The following LMBRD2 variants were observed in gnomAD, a reference collection of about 807,000 sequenced individuals.
LMBRD2 encodes the protein LMBR1 domain containing 2.
In LMBRD2, 55 loss-of-function variants were observed where a neutral mutation model predicts 94.4. The ratio of observed to expected loss-of-function variants is 0.58; its 90% CI spans 0.47 to 0.73. The LOEUF is 0.73. Among genes scored for constraint, LMBRD2 ranks in the 30% least tolerant of loss-of-function variants. LMBRD2 has a pLI of 0.00. For missense variants in LMBRD2, 640 were observed against 831.9 expected (o/e 0.77, Z 2.84); for synonymous variants, 246 against 272.4 (o/e 0.90, Z 0.95).
intron 6 of LMBRD2, among the ~76,000 whole-genome samples, chr5:36,125,505 A>G (rs918471241): frequency 3.3e-5 from 5 of 152,206 alleles, no homozygotes; most frequent in African/African-American, 1.2e-4. Flanking sequence ...TGGCCAATAA[A>G]TGTCTAAAAA....
In LMBRD2 at chr5:36,101,848, T is replaced by G. The variant is rs1194935549; in HGVS notation, c.*2198A>C. On this transcript the variant is annotated 3_prime_UTR_variant, in exon 18 of 18. Transcript: ENST00000296603. ...TCAATTATTATAACCATAAAAAATTTAATACTAAAGGAAAGTGGTAACATT... is the reference window on the plus strand; with the variant it reads ...TCAATTATTATAACCATAAAAAATTGAATACTAAAGGAAAGTGGTAACATT... 1 of 151,856 alleles carries G rather than the reference T, an allele frequency of 6.6e-6. No individual in the cohort carries two copies. The highest frequency in any genetic ancestry group is 1.9e-4 in the East Asian group (1 of 5,194). 9.4% of individuals were successfully genotyped at this position (151,856 alleles called of 1,614,324 possible). A position where few individuals can be genotyped will look rare whatever the true frequency, so the allele number is the denominator to read the frequency against.
At chr5:36,150,658 A>G (rs1744674347) in intron 1 of LMBRD2, among the ~76,000 whole-genome samples, 1 of 152,258 alleles carries the variant, frequency 6.6e-6, no homozygotes, top group African/African-American at 2.4e-5. Context: ...AATGCTTTCC[A>G]TATAACATTA....
intron 15 of LMBRD2, among the ~76,000 whole-genome samples, chr5:36,109,252 T>G (rs1416633021): frequency 6.6e-6 from 1 of 152,116 alleles, no homozygotes; most frequent in Non-Finnish European, 1.5e-5. Context: ...GCATGTAATT[T>G]CCTATGTCCG....
rs1743691882 is a variant in LMBRD2 at position 36,114,503 on chromosome 5, C to G, written c.1561G>C (p.Val521Leu). Residue 521 changes from valine (V) to leucine (L), a missense_variant, in exon 13 of 18, where the codon GTT becomes CTT. This residue lies in a region of LMBRD2 where 457 missense variants were observed against 642.8 expected (regional missense o/e 0.71). Transcript: ENST00000296603. ...AATCCATCTGCAATAAAGGATAAAA[C>G]TTTCATGGAACCCATAATCTGAAGA... The part of the protein sequence containing the change: ...AYTSIMGSMK[V>L]LSFIADGFYI... The G allele has an allele frequency of 6.4e-7, 1 of 1,554,192 alleles. No individual in the cohort carries two copies. Among genetic ancestry groups the G allele is most frequent in the East Asian group, 2.5e-5 (1 of 40,262 alleles).
intron 10 of LMBRD2, among the ~76,000 whole-genome samples, chr5:36,117,155 A>T (rs1743767032): frequency 6.6e-6 from 1 of 151,936 alleles, no homozygotes; most frequent in South Asian, 2.1e-4. Flanking sequence ...TCCCTTGGCA[A>T]CTCTTCACAT....
At chr5:36,124,013 T>A (rs1007660714) in intron 7 of LMBRD2, among the ~76,000 whole-genome samples, 178 bp downstream of exon 7, 10 of 152,004 alleles carry the variant, frequency 6.6e-5, no homozygotes, top group Admixed American at 2.6e-4. Context: ...CAATAATTAG[T>A]GTTAAACTTG....
At chr5:36,137,091 A>G (rs979521791) in intron 5 of LMBRD2, among the ~76,000 whole-genome samples, 183 bp downstream of exon 5, 10 of 152,174 alleles carry the variant, frequency 6.6e-5, no homozygotes, top group African/African-American at 2.4e-4. Context: ...ATATTTAAAG[A>G]TGTCATTCCA....
At position 36,111,220 on chromosome 5, in the gene LMBRD2, T is replaced by G. The variant is rs1743596625; in HGVS notation, c.1679A>C (p.Gln560Pro). 1 of 1,612,062 alleles carries G rather than the reference T, an allele frequency of 6.2e-7. No homozygotes were observed. Among genetic ancestry groups the G allele is most frequent in the Non-Finnish European group, 8.5e-7 (1 of 1,178,898 alleles). The change falls in exon 14 of 18, where the codon CAG becomes CCG. Residue 560 changes from glutamine to proline, a missense_variant. Gln to Pro is a moderately conservative substitution (Grantham distance 76). This residue lies in a region of LMBRD2 where 183 missense variants were observed against 189.1 expected (regional missense o/e 0.97). Coordinates refer to ENST00000296603, the MANE Select transcript of LMBRD2 (RefSeq NM_001007527.2). ...TRCLNLLGFQ[Q>P]FMGDDDMTSD... ...TGTCATATCATCATCTCCCATAAACTGCTGGAAACCGAGCAGATTCAAACA... is the reference window on the plus strand; with the variant it reads ...TGTCATATCATCATCTCCCATAAACGGCTGGAAACCGAGCAGATTCAAACA...
chr5:36,105,103 T>C lies in LMBRD2; in HGVS notation c.1992A>G (p.Thr664=), dbSNP rs1408915920. The C allele has an allele frequency of 5.0e-6, 8 of 1,612,922 alleles. No homozygotes were observed. The African/African-American group carries it at 5.3e-5, about 11-fold the overall frequency. ...DAEPLDFNAE[T]FTDDPLESES... Reference sequence around the variant, plus strand: ...CAGATTCAAGAGGATCATCAGTGAATGTTTCTGCATTAAAATCCAAAGGTT... The same window carrying C: ...CAGATTCAAGAGGATCATCAGTGAACGTTTCTGCATTAAAATCCAAAGGTT... The change falls in exon 17 of 18, where the codon ACA becomes ACG. Residue 664 remains threonine (T), a synonymous_variant. Transcript: ENST00000296603.
At chr5:36,136,967 A>C (rs1352878658) in intron 5 of LMBRD2, among the ~76,000 whole-genome samples, 1 of 152,174 alleles carries the variant, frequency 6.6e-6, no homozygotes, top group African/African-American at 2.4e-5. Context: ...TCCAATGAAA[A>C]ATAAAACCAG....
intron 13 of LMBRD2, among the ~76,000 whole-genome samples, chr5:36,112,876 C>A (rs1331488791): frequency 6.6e-6 from 1 of 152,106 alleles, no homozygotes; most frequent in Non-Finnish European, 1.5e-5. Flanking sequence ...TGATTAAGCA[C>A]ATAATAAAAA....
chr5:36,147,316 T>C (rs1744572888), intron 1 of LMBRD2, among the ~76,000 whole-genome samples: 1 of 152,056 alleles, frequency 6.6e-6, no homozygotes. Context: ...AACATTCAAG[T>C]GATGAGTTGC....
chr5:36,114,276 C>A, intron 13 of LMBRD2, 148 bp downstream of exon 13: 1 of 845,552 alleles, frequency 1.2e-6, no homozygotes. Flanking sequence ...CACCTGATCA[C>A]TCAAGTAGTC....
intron 6 of LMBRD2, among the ~76,000 whole-genome samples, chr5:36,126,463 G>T (rs1025243206): frequency 6.6e-6 from 1 of 152,156 alleles, no homozygotes; most frequent in Non-Finnish European, 1.5e-5. Context: ...GTAACTTTGA[G>T]CTCTTTCATT....
At chr5:36,148,195 C>T (rs774891696) in intron 1 of LMBRD2, among the ~76,000 whole-genome samples, 44 of 149,760 alleles carry the variant, frequency 2.9e-4, no homozygotes, top group Admixed American at 6.0e-4. Context: ...TGAGAGAGTT[C>T]AGTTTAGGAC....
Position 36,117,781 on chromosome 5 carries a change from A to C in LMBRD2, c.1256T>G (p.Val419Gly). Residue 419 changes from valine to glycine, a missense_variant, in exon 10 of 18, where the codon GTC becomes GGC. Val to Gly is a moderately radical substitution (Grantham distance 109, BLOSUM62 -3). Around this residue, in one of 2 missense-constraint regions of LMBRD2, gnomAD observed 457 missense variants for 642.8 expected, o/e 0.71. Transcript: ENST00000296603. ...STTPVLSLFA[V>G]FIQLAEKTYN... ...TGTTTTTTCTGCCAGCTGTATGAAG[A>C]CCGCAAAGAGGGATAAGACAGGAGT... The C allele has an allele frequency of 6.2e-7, 1 of 1,611,856 alleles. No homozygotes were observed.
intron 2 of LMBRD2, 55 bp from the exon 3 acceptor site, chr5:36,142,654 T>G: frequency 1.1e-6 from 1 of 949,652 alleles, no homozygotes; most frequent in Non-Finnish European, 1.7e-6. Flanking sequence ...ACCAAGTACT[T>G]AAAGGACATC....
intron 16 of LMBRD2, among the ~76,000 whole-genome samples, chr5:36,108,008 T>G (rs1216221276): frequency 6.6e-6 from 1 of 152,168 alleles, no homozygotes; most frequent in Non-Finnish European, 1.5e-5. Flanking sequence ...CATGTCAGTG[T>G]GGGGTCAGTG....
At position 36,100,510 on chromosome 5, in the gene LMBRD2, G is replaced by T. The variant is rs1487409780; in HGVS notation, c.*3536C>A. The stretch of plus-strand genomic sequence containing the variant: ...AATCTTTCAGCACATTAAAAGTCAT[G>T]CTATAAACATAGGCCTCAGAAAGGA... On this transcript the variant is annotated 3_prime_UTR_variant, in exon 18 of 18. Transcript: ENST00000296603. 1 of 152,066 alleles carries T rather than the reference G, an allele frequency of 6.6e-6. No individual in the cohort carries two copies. The highest frequency in any genetic ancestry group is 2.4e-5 in the African/African-American group (1 of 41,430). 9.4% of individuals were successfully genotyped at this position (152,066 alleles called of 1,614,324 possible). A position where few individuals can be genotyped will look rare whatever the true frequency, so the allele number is the denominator to read the frequency against.
Sources: allele counts gnomAD v4.1 joint callset (sites outside exome capture counted in the v4.1 genomes callset), GRCh38; gene constraint gnomAD v4.1.1; regional missense constraint gnomAD v4.1.1; transcripts MANE v1.5; gene names NCBI Gene and HGNC (gene_info 2026-07-23, HGNC 2026-07-21).